Variants in DENND4A observed in about 807,000 individuals in gnomAD.
DENND4A encodes the protein DENN domain containing 4A, also known as C-myc promoter-binding protein.
In DENND4A, 70 loss-of-function variants were observed where a neutral mutation model predicts 199.3. The ratio of observed to expected loss-of-function variants is 0.35; its 90% CI spans 0.29 to 0.43. The LOEUF (loss-of-function observed/expected upper bound fraction) is 0.43, where lower values mean the gene tolerates loss of function less well. Ranked by LOEUF, DENND4A falls within the 20% of genes least tolerant of loss-of-function variation. DENND4A has a pLI of 1.00. For missense variants in DENND4A, 1,723 were observed against 2,255.8 expected (o/e 0.76, Z 4.78); for synonymous variants, 686 against 766.9 (o/e 0.89, Z 1.74).
At chr15:65,670,643 T>A (rs1385538389) in intron 25 of DENND4A, among the ~76,000 whole-genome samples, 1 of 152,172 alleles carries the variant, frequency 6.6e-6, no homozygotes, top group Non-Finnish European at 1.5e-5. Context: ...TGCAGTAACA[T>A]CTAAGTGTGT....
At chr15:65,773,978 A>G (rs912279570) in intron 1 of DENND4A, among the ~76,000 whole-genome samples, 4 of 152,244 alleles carry the variant, frequency 2.6e-5, no homozygotes, top group African/African-American at 7.2e-5. Context: ...TCATCAGGGT[A>G]GTGAAGCACA....
intron 4 of DENND4A, among the ~76,000 whole-genome samples, chr15:65,750,973 C>T (rs968838434): frequency 6.6e-6 from 1 of 151,992 alleles, no homozygotes; most frequent in Non-Finnish European, 1.5e-5. Flanking sequence ...CTGCATTTGG[C>T]CCAAGGTCTG....
chr15:65,681,773 G>T (rs1319429083), intron 23 of DENND4A, among the ~76,000 whole-genome samples: 2 of 151,960 alleles, frequency 1.3e-5, no homozygotes, highest in Admixed American at 1.3e-4. Context: ...TTGCCATGTT[G>T]CCCAGACTGG....
intron 1 of DENND4A, among the ~76,000 whole-genome samples, chr15:65,773,036 T>C (rs1205395198): frequency 6.7e-6 from 1 of 150,350 alleles, no homozygotes; most frequent in East Asian, 1.9e-4. Context: ...AAATCATTCT[T>C]AGAGCAGTGA....
At chr15:65,672,233 GTATT>G (rs1209068495) in intron 24 of DENND4A, among the ~76,000 whole-genome samples, 1 of 152,144 alleles carries the variant, frequency 6.6e-6, no homozygotes, top group Non-Finnish European at 1.5e-5. Flanking sequence ...ATACAGGAAA[GTATT>G]TAGTTCCAAG....
intron 14 of DENND4A, 115 bp downstream of exon 14, chr15:65,715,363 T>C (rs1322578913): frequency 9.3e-7 from 1 of 1,072,170 alleles, no homozygotes; most frequent in Non-Finnish European, 1.3e-6. Context: ...TGGTCAACGA[T>C]GAAAATGAAA....
intron 7 of DENND4A, among the ~76,000 whole-genome samples, chr15:65,734,003 C>G (rs139472313): frequency 0.018 from 2,688 of 152,300 alleles, 32 homozygotes; most frequent in Middle Eastern, 0.041. Flanking sequence ...AGGTTTCTCC[C>G]CATGTGATAG....
At chr15:65,781,806 T>C (rs2077443172) in intron 1 of DENND4A, among the ~76,000 whole-genome samples, 1 of 152,176 alleles carries the variant, frequency 6.6e-6, no homozygotes, top group Admixed American at 6.5e-5. Context: ...ACTATAGGGA[T>C]AACTGTAACT....
chr15:65,746,369 CTTTTTTTTTTTTTT>C (rs573935476), intron 4 of DENND4A, among the ~76,000 whole-genome samples: 36 of 51,296 alleles, frequency 7.0e-4, no homozygotes, highest in Admixed American at 1.7e-3. Context: ...ACTTTTTTCT[CTTTTTTTTTTTTTT>C]TTTTTTTTTT....
intron 1 of DENND4A, among the ~76,000 whole-genome samples, chr15:65,790,420 C>G (rs938453894): frequency 6.6e-6 from 1 of 152,184 alleles, no homozygotes; most frequent in African/African-American, 2.4e-5. Context: ...AATTAACTTT[C>G]TCAGCAAGTA....
chr15:65,747,892 TAGTC>T (rs933787590), intron 4 of DENND4A, among the ~76,000 whole-genome samples: 11 of 151,004 alleles, frequency 7.3e-5, no homozygotes, highest in African/African-American at 1.9e-4. Flanking sequence ...TATACAAAAA[TAGTC>T]AGGCGTGGTG....
intron 6 of DENND4A, 122 bp from the exon 7 acceptor site, chr15:65,738,067 C>T: frequency 1.1e-6 from 1 of 945,806 alleles, no homozygotes; most frequent in Admixed American, 2.8e-5. Flanking sequence ...ATTAAGAACA[C>T]AGTGATGAAG....
At chr15:65,749,489 G>A (rs973132451) in intron 4 of DENND4A, among the ~76,000 whole-genome samples, 1 of 152,104 alleles carries the variant, frequency 6.6e-6, no homozygotes, top group African/African-American at 2.4e-5. Flanking sequence ...AAGTATGTTC[G>A]TAACAGCTTG....
intron 23 of DENND4A, among the ~76,000 whole-genome samples, chr15:65,678,852 G>C (rs985748434): frequency 1.3e-5 from 2 of 151,932 alleles, no homozygotes; most frequent in Non-Finnish European, 2.9e-5. Flanking sequence ...ACCATGACTG[G>C]CTAATTTTTT....
rs559512101 is a variant in DENND4A, at chr15:65,676,659, T to A, written c.4180-25A>T. 8.8e-4 allele frequency: 1,385 copies of A among 1,571,778 alleles called. 29 individuals carry two copies. The South Asian group carries it at 0.016, about 18-fold the overall frequency. Reference sequence around the variant, plus strand: ...CCTAAGGACATAATTATAAGCTTAATTTCTTGTACATTTAAAGGTAATTAA... The same window carrying A: ...CCTAAGGACATAATTATAAGCTTAAATTCTTGTACATTTAAAGGTAATTAA... On this transcript the variant is annotated intron_variant, in intron 23 of 32. Coordinates refer to ENST00000443035, the MANE Select transcript of DENND4A (RefSeq NM_001320835.1).
intron 24 of DENND4A, among the ~76,000 whole-genome samples, chr15:65,674,666 C>A (rs1356574025): frequency 6.7e-6 from 1 of 150,234 alleles, no homozygotes; most frequent in Non-Finnish European, 1.5e-5. Context: ...CATGGGAGAT[C>A]ATGGTTGCAG....
intron 1 of DENND4A, among the ~76,000 whole-genome samples, chr15:65,772,300 G>A (rs1277208215): frequency 6.6e-6 from 1 of 152,118 alleles, no homozygotes; most frequent in Non-Finnish European, 1.5e-5. Flanking sequence ...ACATGTATCA[G>A]TTTTATTTTT....
chr15:65,684,920 C>A (rs183352487), intron 23 of DENND4A, among the ~76,000 whole-genome samples: 10 of 147,470 alleles, frequency 6.8e-5, no homozygotes, highest in African/African-American at 2.5e-4. Flanking sequence ...CGCCTCCGGG[C>A]TTCAAGCGAT....
rs2075967586 is a variant in DENND4A at position 65,664,278 on chromosome 15, A to G, written c.5587+52T>C. On this transcript the variant is annotated intron_variant, in intron 32 of 32. Transcript: ENST00000443035. The stretch of plus-strand genomic sequence containing the variant: ...AACTACTAATATAAAAATACTTTGA[A>G]AACTATTCCATGATATATAAATATT... The G allele has an allele frequency of 2.9e-6, 3 of 1,022,628 alleles. No homozygotes were observed. The Admixed American group carries it at 7.6e-5, about 26-fold the overall frequency. The allele number at this position is 1,022,628 out of a possible 1,614,324, so 63.3% of individuals were successfully genotyped here. A position where few individuals can be genotyped will look rare whatever the true frequency, so the allele number is the denominator to read the frequency against.
Sources: gnomAD v4.1 joint callset for allele counts (sites outside exome capture counted in the v4.1 genomes callset) on GRCh38, gnomAD v4.1.1 for gene constraint, MANE v1.5 for transcripts, NCBI Gene and HGNC (gene_info 2026-07-23, HGNC 2026-07-21) for gene names.